Variants in CFHR4 observed in about 807,000 individuals in gnomAD.
CFHR4 encodes complement factor H-related protein 4.
Under a neutral mutation model 69.3 loss-of-function variants are expected in CFHR4, and 64 were observed. That is an observed-to-expected ratio of 0.92 (90% CI 0.76 to 1.14). CFHR4 has a LOEUF of 1.14. CFHR4 is among the 50% of genes most tolerant of loss of function. The probability of loss-of-function intolerance (pLI) is 0.00; values close to 1 mark genes in which losing one functional copy is unlikely to be tolerated. For synonymous variants in CFHR4, 244 were observed against 237.0 expected (o/e 1.03, Z -0.27); for missense variants, 636 against 684.9 (o/e 0.93, Z 0.80).
chr1:196,891,127 G>A (rs1285033294), intron 1 of CFHR4, among the ~76,000 whole-genome samples: 1 of 151,152 alleles, frequency 6.6e-6, no homozygotes, highest in Non-Finnish European at 1.5e-5. Flanking sequence ...TGGCAAACAC[G>A]TGTAATTTCA....
chr1:196,918,292 A>G lies in CFHR4; in HGVS notation c.1623A>G (p.Lys541=). 1 of 1,610,116 alleles carries G rather than the reference A, an allele frequency of 6.2e-7. No homozygotes were observed. Among genetic ancestry groups the G allele is most frequent in the Admixed American group, 1.7e-5 (1 of 59,888 alleles). Residue 541 remains lysine (K), a synonymous_variant, in exon 10 of 10, where the codon AAA becomes AAG. Coordinates refer to ENST00000608469, the MANE Select transcript of CFHR4 (RefSeq NM_001201550.3). Reference sequence around the variant, plus strand: ...AAAGTGACATAAAATATTATGCAAAAACAGGGGATACCATTGAATTTATGT... The same window carrying G: ...AAAGTGACATAAAATATTATGCAAAGACAGGGGATACCATTGAATTTATGT... ...KGKSDIKYYA[K]TGDTIEFMCK... is the part of the protein sequence containing the mutation.
At chr1:196,890,145 C>T (rs1656944375) in intron 1 of CFHR4, among the ~76,000 whole-genome samples, 1 of 151,484 alleles carries the variant, frequency 6.6e-6, no homozygotes, top group Non-Finnish European at 1.5e-5. Context: ...ACCCACCATA[C>T]ATATTTTAGA....
At chr1:196,904,265 A>T (rs1657779355) in intron 2 of CFHR4, among the ~76,000 whole-genome samples, 1 of 151,618 alleles carries the variant, frequency 6.6e-6, no homozygotes, top group South Asian at 2.1e-4. Flanking sequence ...ACTGGAGGAG[A>T]TTAATCGAAA....
In CFHR4 at chr1:196,888,247, A is replaced by G. The variant is rs184905427; in HGVS notation, c.58+39A>G. 313 of 1,594,390 alleles carry G rather than the reference A, an allele frequency of 2.0e-4. 5 individuals are homozygous for G. In the East Asian group the frequency reaches 4.4e-3, roughly 22 times the overall value. On this transcript the variant is annotated intron_variant, in intron 1 of 9. Coordinates refer to ENST00000608469, the MANE Select transcript of CFHR4 (RefSeq NM_001201550.3). ...GATCTAAACACTCAGCTTCCCTCTT[A>G]AATGTAACTTCGTGTAATATCTAAC... is the stretch of plus-strand genomic sequence containing the variant.
intron 1 of CFHR4, among the ~76,000 whole-genome samples, chr1:196,898,333 C>T (rs1657418150): frequency 6.6e-6 from 1 of 151,376 alleles, no homozygotes; most frequent in Admixed American, 6.6e-5. Context: ...CATATACTGA[C>T]TTACATTTAA....
chr1:196,912,678 T>A, intron 6 of CFHR4, 62 bp from the exon 7 acceptor site: 1 of 1,459,610 alleles, frequency 6.9e-7, no homozygotes, highest in Non-Finnish European at 9.2e-7. Context: ...TTTTACTTGT[T>A]CCCTCCTATA....
Position 196,912,790 on chromosome 1 carries a change from T to C in CFHR4, c.1048T>C (p.Ser350Pro). The C allele has an allele frequency of 6.3e-7, 1 of 1,599,412 alleles. No homozygotes were observed. ...AATTGAAAATGGATTCATTTCTGAA[T>C]CTTCCTCTATTTATATTTTAAATAA... ...IEIENGFISE[S>P]SSIYILNKEI... The change falls in exon 7 of 10, where the codon TCT becomes CCT. Residue 350 changes from serine (S) to proline (P), a missense_variant. Coordinates refer to ENST00000608469, the MANE Select transcript of CFHR4 (RefSeq NM_001201550.3).
At chr1:196,897,497 A>C (rs1325685516) in intron 1 of CFHR4, among the ~76,000 whole-genome samples, 1 of 151,478 alleles carries the variant, frequency 6.6e-6, no homozygotes, top group Non-Finnish European at 1.5e-5. Flanking sequence ...GAATTGGATC[A>C]CATGCGGGCT....
intron 1 of CFHR4, among the ~76,000 whole-genome samples, chr1:196,894,659 T>G (rs1388399649): frequency 6.6e-6 from 1 of 151,514 alleles, no homozygotes; most frequent in Non-Finnish European, 1.5e-5. Flanking sequence ...AAACTTCTGA[T>G]GAGAAATCTG....
At chr1:196,905,438 T>C in intron 3 of CFHR4, 148 bp downstream of exon 3, 1 of 1,215,088 alleles carries the variant, frequency 8.2e-7, no homozygotes, top group Non-Finnish European at 1.1e-6. Flanking sequence ...TGTGCCAAAC[T>C]AAGTCTTTTT....
chr1:196,894,788 A>T (rs1251117313), intron 1 of CFHR4, among the ~76,000 whole-genome samples: 2 of 151,254 alleles, frequency 1.3e-5, no homozygotes, highest in East Asian at 3.9e-4. Context: ...ATAGTGGCTC[A>T]TTCCTGTAAC....
rs1258801370 is a variant in CFHR4, at chr1:196,891,990, T to C, written c.58+3782T>C. 2.0e-5 allele frequency among the ~76,000 whole-genome samples: 3 copies of C among 151,644 alleles called. No individual in the cohort carries two copies. The East Asian group carries it at 5.8e-4, about 29-fold the overall frequency. ...TTATTTCTGGAGATAATTTGCTACA[T>C]TTCAGATTTTTTCTTATGTTATAGT... On this transcript the variant is annotated intron_variant, in intron 1 of 9. Coordinates refer to ENST00000608469, the MANE Select transcript of CFHR4 (RefSeq NM_001201550.3).
chr1:196,910,356 C>T lies in CFHR4; in HGVS notation c.875C>T (p.Pro292Leu). Residue 292 changes from proline (P) to leucine (L), a missense_variant, in exon 6 of 10, where the codon CCA becomes CTA. By Grantham distance (98) the Pro-to-Leu change is moderately conservative (BLOSUM62 -3). Transcript: ENST00000608469. ...GAGAATACGCGTAGACCATACTTTC[C>T]AGTAGCTACAGGACAATCTTACTCC... ...YYENTRRPYFPVATGQSYSYY... is the reference protein window; with the variant it reads ...YYENTRRPYFLVATGQSYSYY... The T allele has an allele frequency of 6.2e-7, 1 of 1,611,692 alleles. No homozygotes were observed. The highest frequency in any genetic ancestry group is 8.5e-7 in the Non-Finnish European group (1 of 1,178,882).
At chr1:196,914,323 T>C (rs1340771802) in intron 7 of CFHR4, among the ~76,000 whole-genome samples, 172 bp from the exon 8 acceptor site, 1 of 151,566 alleles carries the variant, frequency 6.6e-6, no homozygotes, top group Non-Finnish European at 1.5e-5. Flanking sequence ...TATTTAACTA[T>C]TGTAATTAAC....
intron 9 of CFHR4, 143 bp from the exon 10 acceptor site, chr1:196,918,067 A>C: frequency 1.1e-6 from 1 of 899,560 alleles, no homozygotes; most frequent in South Asian, 1.8e-5. Flanking sequence ...TGCTAAAGTC[A>C]GTATGTAGCA....
rs184278506 is a variant in CFHR4 at position 196,895,141 on chromosome 1, G to A, written c.58+6933G>A. ...CTTACAATTCAAGAGACTGAGGCAG[G>A]AGGATTGCTTTAGACTAGGAATTTG... On this transcript the variant is annotated intron_variant, in intron 1 of 9. Transcript: ENST00000608469. Among the ~76,000 whole-genome samples, 12 of 151,602 alleles carry A rather than the reference G, an allele frequency of 7.9e-5. No individual in the cohort carries two copies. In the East Asian group the frequency reaches 2.3e-3, roughly 29 times the overall value.
Position 196,906,967 on chromosome 1 carries a change from C to T in CFHR4, c.546C>T (p.Ser182=). The T allele has an allele frequency of 6.2e-7, 1 of 1,612,544 alleles. No homozygotes were observed. Among genetic ancestry groups the T allele is most frequent in the Non-Finnish European group, 8.5e-7 (1 of 1,179,528 alleles). Residue 182 remains serine (S), a synonymous_variant, in exon 4 of 10, where the codon AGC becomes AGT. Coordinates refer to ENST00000608469, the MANE Select transcript of CFHR4 (RefSeq NM_001201550.3). The part of the protein sequence containing the change: ...LDYECYDGYE[S]SYGNTTDSIV... ...ATGAATGCTATGATGGATATGAAAG[C>T]AGTTATGGAAACACCACAGATTCCA... is the stretch of plus-strand genomic sequence containing the variant.
At position 196,902,386 on chromosome 1, in the gene CFHR4, T is replaced by A. The variant is rs762927352; in HGVS notation, c.59-32T>A. The A allele has an allele frequency of 3.6e-6, 5 of 1,407,762 alleles. No homozygotes were observed. In the South Asian group the frequency reaches 4.8e-5, roughly 14 times the overall value. 87.2% of individuals were successfully genotyped at this position (1,407,762 alleles called of 1,614,324 possible). On this transcript the variant is annotated intron_variant, in intron 1 of 9. Coordinates refer to ENST00000608469, the MANE Select transcript of CFHR4 (RefSeq NM_001201550.3). ...ATGATTATCTGTTATAGAAAAACAT[T>A]ATTTATACTGTTTTTTGTTTTTTAT...
chr1:196,900,294 G>A (rs1282967897), intron 1 of CFHR4, among the ~76,000 whole-genome samples: 1 of 146,800 alleles, frequency 6.8e-6, no homozygotes, highest in African/African-American at 2.5e-5. Flanking sequence ...GCTGACTTCA[G>A]TGCCAATCAG....
Sources: allele counts gnomAD v4.1 joint callset (sites outside exome capture counted in the v4.1 genomes callset), GRCh38; gene constraint gnomAD v4.1.1; transcripts MANE v1.5; gene names NCBI Gene and HGNC (gene_info 2026-07-23, HGNC 2026-07-21).